Variants in ULK4 observed in about 807,000 individuals in gnomAD.
ULK4 encodes the protein inactive serine/threonine-protein kinase ULK4.
Under a neutral mutation model 160.6 loss-of-function variants are expected in ULK4, and 133 were observed. The ratio of observed to expected loss-of-function variants is 0.83; its 90% CI spans 0.72 to 0.96. The LOEUF is 0.96. Ranked by LOEUF, ULK4 falls within the 40% of genes least tolerant of loss-of-function variation. The probability of loss-of-function intolerance (pLI) is 0.00; values close to 1 mark genes in which losing one functional copy is unlikely to be tolerated. For missense variants in ULK4, 1,580 were observed against 1,499.5 expected, an observed-to-expected ratio of 1.05 and a Z score of -0.89; for synonymous variants, 534 against 539.8, an observed-to-expected ratio of 0.99 and a Z score of 0.15.
intron 22 of ULK4, among the ~76,000 whole-genome samples, chr3:41,752,798 C>T (rs2038675821): frequency 6.6e-6 from 1 of 152,150 alleles, no homozygotes; most frequent in Non-Finnish European, 1.5e-5. Context: ...TAACTTTGAT[C>T]CCCAATTGAG....
chr3:41,291,502 G>C (rs2079565496), intron 35 of ULK4, among the ~76,000 whole-genome samples: 1 of 150,360 alleles, frequency 6.7e-6, no homozygotes, highest in South Asian at 2.1e-4. Context: ...AGAAAGGAAA[G>C]AAAGAAAGGA....
chr3:41,292,539 G>A (rs576825838), intron 35 of ULK4, among the ~76,000 whole-genome samples: 151 of 152,284 alleles, frequency 9.9e-4, no homozygotes, highest in African/African-American at 3.5e-3. Context: ...CCAGCTACTC[G>A]GGAGGCTGAG....
chr3:41,584,971 A>T (rs1165755965), intron 31 of ULK4, among the ~76,000 whole-genome samples: 2 of 152,196 alleles, frequency 1.3e-5, no homozygotes, highest in African/African-American at 2.4e-5. Flanking sequence ...CTTGTACACA[A>T]AAAACTATAA....
In ULK4 at chr3:41,295,208, TTTCA is replaced by T. The variant is rs1397548827; in HGVS notation, c.3679-45638_3679-45635del. ...CAAAACAATGGAGCAAACATAGTTT[TTTCA>T]AGAAATAGTGTTGGAACAACTGGAT... is the stretch of plus-strand genomic sequence containing the variant. On this transcript the variant is annotated intron_variant, in intron 35 of 36. Transcript: ENST00000301831. 5.3e-4 allele frequency among the ~76,000 whole-genome samples: 40 copies of T among 75,698 alleles called. 13 individuals carry two copies. Among genetic ancestry groups the T allele is most frequent in the Non-Finnish European group, 8.4e-4 (25 of 29,696 alleles). The allele number at this position is 75,698 out of a possible 152,430, so 49.7% of individuals were successfully genotyped here. A position where few individuals can be genotyped will look rare whatever the true frequency, so the allele number is the denominator to read the frequency against.
chr3:41,688,733 C>G (rs949115846), intron 27 of ULK4, among the ~76,000 whole-genome samples: 3 of 152,160 alleles, frequency 2.0e-5, no homozygotes, highest in African/African-American at 7.2e-5. Context: ...TCCAAGATTT[C>G]TGGGAATTTG....
intron 32 of ULK4, among the ~76,000 whole-genome samples, chr3:41,489,432 G>A (rs982460438): frequency 1.3e-5 from 2 of 152,108 alleles, no homozygotes; most frequent in Non-Finnish European, 1.5e-5. Context: ...AGAGGGCAGC[G>A]TGTGATGTAA....
At chr3:41,387,427 G>T (rs1391370013) in intron 35 of ULK4, among the ~76,000 whole-genome samples, 1 of 151,916 alleles carries the variant, frequency 6.6e-6, no homozygotes, top group Non-Finnish European at 1.5e-5. Context: ...CAATGTGCAG[G>T]ATAGTTACAT....
chr3:41,918,595 C>CTTTTTTTTT (rs36064862), intron 6 of ULK4, 55 bp from the exon 7 acceptor site: 4 of 226,766 alleles, frequency 1.8e-5, no homozygotes, highest in African/African-American at 1.5e-4. Context: ...ACCAATAATT[C>CTTTTTTTTT]TTTTTTTTTT....
chr3:41,716,257 A>ATAATAAT (rs61069235), intron 23 of ULK4, among the ~76,000 whole-genome samples: 1 of 146,192 alleles, frequency 6.8e-6, no homozygotes, highest in South Asian at 2.2e-4. Context: ...AATAATAATA[A>ATAATAAT]GTGAACGAAT....
intron 35 of ULK4, among the ~76,000 whole-genome samples, chr3:41,382,836 T>C (rs1316653880): frequency 6.6e-6 from 1 of 152,210 alleles, no homozygotes; most frequent in Non-Finnish European, 1.5e-5. Flanking sequence ...TTGCTTTATA[T>C]ATAGCCTATC....
Position 41,918,477 on chromosome 3 carries a change from G to T in ULK4, c.707C>A (p.Pro236His). The T allele has an allele frequency of 6.3e-7, 1 of 1,582,710 alleles. No homozygotes were observed. The highest frequency in any genetic ancestry group is 8.6e-7 in the Non-Finnish European group (1 of 1,166,076). The change falls in exon 7 of 37, where the codon CCT becomes CAT. Residue 236 changes from proline (P) to histidine (H), a missense_variant. Physicochemically the swap from Pro to His is moderately conservative, Grantham distance 77. Coordinates refer to ENST00000301831, the MANE Select transcript of ULK4 (RefSeq NM_017886.4). ...ELTEKILCED[P>H]LPPIPKDSSR... is the part of the protein sequence containing the mutation. ...CTTACCTTTCGGAATAGGTGGCAAA[G>T]GATCTTCACATAAGATCTTTTCAGT...
chr3:41,330,934 C>CT (rs893530069), intron 35 of ULK4, among the ~76,000 whole-genome samples: 5 of 152,162 alleles, frequency 3.3e-5, no homozygotes, highest in African/African-American at 1.2e-4. Flanking sequence ...CATGTGAGAT[C>CT]TGCAGCTTAG....
At chr3:41,674,465 G>A (rs1337678754) in intron 29 of ULK4, among the ~76,000 whole-genome samples, 5 of 152,152 alleles carry the variant, frequency 3.3e-5, no homozygotes, top group Non-Finnish European at 7.3e-5. Flanking sequence ...GTAATTTTCT[G>A]AGTATATGTG....
intron 17 of ULK4, among the ~76,000 whole-genome samples, chr3:41,857,016 C>G (rs2042378872): frequency 6.6e-6 from 1 of 152,050 alleles, no homozygotes; most frequent in Admixed American, 6.6e-5. Context: ...AAACTAGGTC[C>G]TGGGTAAAAG....
chr3:41,694,043 G>C (rs889378271), intron 27 of ULK4, among the ~76,000 whole-genome samples: 1 of 152,136 alleles, frequency 6.6e-6, no homozygotes, highest in Non-Finnish European at 1.5e-5. Flanking sequence ...ACCTCATTTG[G>C]TTTGTTTTGA....
Position 41,882,361 on chromosome 3 carries a change from T to C in ULK4, c.1656+1513A>G, listed in dbSNP as rs1048538618. 6 of 689,904 alleles carry C rather than the reference T, an allele frequency of 8.7e-6. No homozygotes were observed. The African/African-American group carries it at 8.8e-5, about 10-fold the overall frequency. 42.7% of individuals were successfully genotyped at this position (689,904 alleles called of 1,614,324 possible). A position where few individuals can be genotyped will look rare whatever the true frequency, so the allele number is the denominator to read the frequency against. Reference sequence around the variant, plus strand: ...AAAAAGATAAAGTAGAACAATGGGGTTTGGAAATTACAGGGTGGTCGTAGT... The same window carrying C: ...AAAAAGATAAAGTAGAACAATGGGGCTTGGAAATTACAGGGTGGTCGTAGT... On this transcript the variant is annotated intron_variant, in intron 17 of 36. Coordinates refer to ENST00000301831, the MANE Select transcript of ULK4 (RefSeq NM_017886.4).
chr3:41,960,100 C>A (rs1383521182), intron 1 of ULK4, among the ~76,000 whole-genome samples: 1 of 151,872 alleles, frequency 6.6e-6, no homozygotes, highest in African/African-American at 2.4e-5. Context: ...AAGCAATCCT[C>A]CTGCCTCAGC....
chr3:41,735,649 TAC>T (rs1378831432), intron 22 of ULK4, among the ~76,000 whole-genome samples: 3 of 151,694 alleles, frequency 2.0e-5, no homozygotes, highest in Non-Finnish European at 4.4e-5. Context: ...GTCAAAACAC[TAC>T]AGTTTTCTCC....
chr3:41,709,384 G>A (rs997018020), intron 25 of ULK4, among the ~76,000 whole-genome samples: 1 of 151,968 alleles, frequency 6.6e-6, no homozygotes, highest in East Asian at 1.9e-4. Flanking sequence ...AATGGAGTTT[G>A]TTTGGTTTTG....
Sources: allele counts gnomAD v4.1 joint callset (sites outside exome capture counted in the v4.1 genomes callset), GRCh38; gene constraint gnomAD v4.1.1; transcripts MANE v1.5; gene names NCBI Gene and HGNC (gene_info 2026-07-23, HGNC 2026-07-21).